Variants in MCTP2 observed in about 807,000 individuals in gnomAD.
MCTP2 encodes multiple C2 and transmembrane domain-containing protein 2.
MCTP2 carries 132 observed loss-of-function variants against 111.6 expected under a neutral mutation model. That is an observed-to-expected ratio of 1.18 (90% CI 1.03 to 1.37). MCTP2 has a LOEUF of 1.37. Among genes scored for constraint, MCTP2 ranks in the 40% most tolerant of loss-of-function variants. MCTP2 has a pLI of 0.00. For missense variants in MCTP2, 1,183 were observed against 1,067.9 expected (o/e 1.11, Z -1.50); for synonymous variants, 395 against 387.7 (o/e 1.02, Z -0.22).
rs745834028 is a variant in MCTP2 at position 94,384,130 on chromosome 15, T to G, written c.1685+6T>G. 1 of 1,592,914 alleles carries G rather than the reference T, an allele frequency of 6.3e-7. No homozygotes were observed. The highest frequency in any genetic ancestry group is 8.6e-7 in the Non-Finnish European group (1 of 1,161,746). On this transcript the variant is annotated splice_donor_region_variant and intron_variant, in intron 13 of 22. Transcript: ENST00000357742. ...TGGAACAAAGTTTTTACATTGTAAG[T>G]GCTTTAGCCTCTGGAATTATTTCTG...
Position 94,481,630 on chromosome 15 carries a change from C to T in MCTP2, c.*2596C>T, listed in dbSNP as rs1052939451. The T allele has an allele frequency of 6.6e-6, 1 of 152,286 alleles. No individual in the cohort carries two copies. Among genetic ancestry groups the T allele is most frequent in the African/African-American group, 2.4e-5 (1 of 41,464 alleles). 9.4% of individuals were successfully genotyped at this position (152,286 alleles called of 1,614,324 possible). The stretch of plus-strand genomic sequence containing the variant: ...TCAACACTTCCAAAGTCTCCTGCCC[C>T]AAAGAGGCTTAGTTAGTCCTGTGGC... On this transcript the variant is annotated 3_prime_UTR_variant, in exon 23 of 23. Coordinates refer to ENST00000357742, the MANE Select transcript of MCTP2 (RefSeq NM_001385001.1).
chr15:94,403,221 A>AT (rs1166272697), intron 17 of MCTP2: 10 of 985,270 alleles, frequency 1.0e-5, no homozygotes, highest in Non-Finnish European at 1.1e-5. Flanking sequence ...TTGCTAAAAC[A>AT]TTTGGCCTTA....
rs2074395470 is a variant in MCTP2, at chr15:94,476,715, G to A, written c.2490G>A (p.Lys830=). Residue 830 remains lysine (K), a synonymous_variant, in exon 22 of 23, where the codon AAG becomes AAA. Coordinates refer to ENST00000357742, the MANE Select transcript of MCTP2 (RefSeq NM_001385001.1). The part of the protein sequence containing the change: ...ILIWGINKFT[K]KLRNPYSIDN... ...TTTCAGGCATAAATAAATTTACTAA[G>A]AAGCTTCGAAATCCCTATTCCATCG... 1 of 1,595,888 alleles carries A rather than the reference G, an allele frequency of 6.3e-7. No individual in the cohort carries two copies. Among genetic ancestry groups the A allele is most frequent in the Admixed American group, 1.7e-5 (1 of 59,918 alleles).
intron 1 of MCTP2, among the ~76,000 whole-genome samples, chr15:94,282,960 G>A (rs1334694063): frequency 6.6e-6 from 1 of 152,104 alleles, no homozygotes; most frequent in Non-Finnish European, 1.5e-5. Context: ...ACACTCTGAT[G>A]GGGGCTGCCA....
chr15:94,456,693 G>A (rs1454805055), intron 19 of MCTP2, among the ~76,000 whole-genome samples: 1 of 152,210 alleles, frequency 6.6e-6, no homozygotes, highest in Non-Finnish European at 1.5e-5. Flanking sequence ...GCAGAAGGAA[G>A]CAATGAACCT....
At chr15:94,266,825 T>C (rs573009525) in intron 1 of MCTP2, among the ~76,000 whole-genome samples, 5 of 152,316 alleles carry the variant, frequency 3.3e-5, no homozygotes, top group African/African-American at 1.2e-4. Context: ...AGCAGATAAA[T>C]GTAAAACTTG....
intron 12 of MCTP2, among the ~76,000 whole-genome samples, chr15:94,383,665 A>C (rs1030072564): frequency 7.2e-5 from 11 of 152,228 alleles, no homozygotes; most frequent in African/African-American, 2.2e-4. Context: ...CTTATTCTCT[A>C]CCATGAGAAC....
rs190737943 is a variant in MCTP2, at chr15:94,344,723, A to G, written c.970-406A>G. Among the ~76,000 whole-genome samples, 211 of 152,324 alleles carry G rather than the reference A, an allele frequency of 1.4e-3. 1 individual carries two copies. Among genetic ancestry groups the G allele is most frequent in the African/African-American group, 4.6e-3 (190 of 41,574 alleles). On this transcript the variant is annotated intron_variant, in intron 7 of 22. Transcript: ENST00000357742. ...TTTTTTCTAGCATCTAAAACTATGG[A>G]AACCTAAACATCAACTATCAGTGGT... is the stretch of plus-strand genomic sequence containing the variant.
At chr15:94,317,221 A>G (rs927267891) in intron 4 of MCTP2, among the ~76,000 whole-genome samples, 2 of 151,586 alleles carry the variant, frequency 1.3e-5, no homozygotes, top group Non-Finnish European at 2.9e-5. Flanking sequence ...TTAGGACATT[A>G]TTTTCTTTTA....
In MCTP2 at chr15:94,305,076, C is replaced by A. The variant is rs557244331; in HGVS notation, c.465+6346C>A. On this transcript the variant is annotated intron_variant, in intron 2 of 22. Coordinates refer to ENST00000357742, the MANE Select transcript of MCTP2 (RefSeq NM_001385001.1). ...TTGGATTGAATTGTGTCCCCCAGAC[C>A]AAGTTCTTATGTTGAATCTCTAACC... Among the ~76,000 whole-genome samples the A allele has an allele frequency of 2.6e-5, 4 of 152,116 alleles. No homozygotes were observed. The East Asian group carries it at 7.7e-4, about 29-fold the overall frequency.
At chr15:94,249,410 G>C (rs11635617) in intron 1 of MCTP2, among the ~76,000 whole-genome samples, 19,559 of 152,064 alleles carry the variant, frequency 0.13, 1,507 homozygotes, top group Non-Finnish European at 0.18. Flanking sequence ...TACCAGCCTA[G>C]AGCCATTGCT....
At chr15:94,266,234 A>G (rs1019619154) in intron 1 of MCTP2, among the ~76,000 whole-genome samples, 1 of 152,238 alleles carries the variant, frequency 6.6e-6, no homozygotes. Flanking sequence ...TCTATGGATT[A>G]TGTGAGGGGG....
chr15:94,351,662 T>C (rs889096630), intron 8 of MCTP2, among the ~76,000 whole-genome samples: 3 of 152,250 alleles, frequency 2.0e-5, no homozygotes, highest in African/African-American at 7.2e-5. Flanking sequence ...GTACATTATT[T>C]GGCACCTGGC....
chr15:94,404,733 G>C (rs1051045793), intron 17 of MCTP2, among the ~76,000 whole-genome samples: 2 of 152,006 alleles, frequency 1.3e-5, no homozygotes, highest in African/African-American at 2.4e-5. Flanking sequence ...GACTGGATTG[G>C]CGGGGCGGGT....
intron 1 of MCTP2, among the ~76,000 whole-genome samples, chr15:94,242,033 A>G (rs549352720): frequency 1.0e-3 from 154 of 152,128 alleles, no homozygotes; most frequent in Non-Finnish European, 1.6e-3. Context: ...AAAGGTTCCA[A>G]ATTATTCTCT....
intron 1 of MCTP2, among the ~76,000 whole-genome samples, chr15:94,275,396 C>T (rs538794699): frequency 6.6e-6 from 1 of 152,110 alleles, no homozygotes; most frequent in Non-Finnish European, 1.5e-5. Context: ...GAAGGAATAA[C>T]AGAAATCATC....
chr15:94,440,254 A>G lies in MCTP2; in HGVS notation c.2164A>G (p.Ile722Val). 1 of 1,614,152 alleles carries G rather than the reference A, an allele frequency of 6.2e-7. No individual in the cohort carries two copies. The highest frequency in any genetic ancestry group is 1.7e-5 in the Admixed American group (1 of 60,022). ...ALLLIFVYNF[I>V]RPVKGKVSSI... ...GTTGCTGATCTTTGTCTACAATTTC[A>G]TCAGACCTGTGAAAGGCAAGGTCAG... The change falls in exon 18 of 23, where the codon ATC becomes GTC. Residue 722 changes from isoleucine to valine, a missense_variant. Physicochemically the swap from Ile to Val is conservative, Grantham distance 29. Coordinates refer to ENST00000357742, the MANE Select transcript of MCTP2 (RefSeq NM_001385001.1).
chr15:94,319,522 G>A (rs9989267), intron 4 of MCTP2, among the ~76,000 whole-genome samples: 141,463 of 152,226 alleles, frequency 0.93, 65,776 homozygotes, highest in East Asian at 1. Flanking sequence ...GGGAATTTGC[G>A]TTTCTAACAA....
Position 94,480,894 on chromosome 15 carries a change from C to T in MCTP2, c.*1860C>T, listed in dbSNP as rs2074692729. The T allele has an allele frequency of 1.3e-5, 2 of 152,202 alleles. No homozygotes were observed. Among genetic ancestry groups the T allele is most frequent in the South Asian group, 4.1e-4 (2 of 4,834 alleles). The allele number at this position is 152,202 out of a possible 1,614,324, so 9.4% of individuals were successfully genotyped here. On this transcript the variant is annotated 3_prime_UTR_variant, in exon 23 of 23. Transcript: ENST00000357742. ...TTTCCTCTGTAGCCCGATTGAAATTCTCAGTGTTAAGTTTAGGACCCAAAC... is the reference window on the plus strand; with the variant it reads ...TTTCCTCTGTAGCCCGATTGAAATTTTCAGTGTTAAGTTTAGGACCCAAAC...
Sources: gnomAD v4.1 joint callset for allele counts (sites outside exome capture counted in the v4.1 genomes callset) on GRCh38, gnomAD v4.1.1 for gene constraint, MANE v1.5 for transcripts, NCBI Gene and HGNC (gene_info 2026-07-23, HGNC 2026-07-21) for gene names.